Variants in CREB5 observed in about 807,000 individuals in gnomAD.
The protein encoded by CREB5 is cyclic AMP-responsive element-binding protein 5.
Under a neutral mutation model 57.1 loss-of-function variants are expected in CREB5, and 19 were observed. That is an observed-to-expected ratio of 0.33 (90% confidence interval 0.23 to 0.49). The LOEUF is 0.49. Among genes scored for constraint, CREB5 ranks in the 20% least tolerant of loss-of-function variants. CREB5 has a pLI of 0.99. For missense variants in CREB5, 579 were observed against 671.6 expected (o/e 0.86, Z 1.52); for synonymous variants, 238 against 238.3 (o/e 1.00, Z 0.01).
At chr7:28,338,223 C>A (rs1424165090) in intron 1 of CREB5, among the ~76,000 whole-genome samples, 2 of 152,004 alleles carry the variant, frequency 1.3e-5, no homozygotes, top group African/African-American at 4.8e-5. Context: ...ACTTTAGTAC[C>A]TTCAGATGAT....
intron 9 of CREB5, among the ~76,000 whole-genome samples, chr7:28,815,096 C>T (rs1483502558): frequency 1.3e-5 from 2 of 152,124 alleles, no homozygotes; most frequent in African/African-American, 4.8e-5. Flanking sequence ...AATAGCTACA[C>T]CCCATCTTTG....
intron 2 of CREB5, chr7:28,491,392 A>T: frequency 3.2e-6 from 1 of 310,184 alleles, no homozygotes; most frequent in Non-Finnish European, 4.7e-6. Flanking sequence ...GTGACTTGAA[A>T]ATGCTGAAGT....
chr7:28,428,517 C>T (rs1328228274), intron 1 of CREB5, among the ~76,000 whole-genome samples: 2 of 152,086 alleles, frequency 1.3e-5, no homozygotes, highest in African/African-American at 2.4e-5. Flanking sequence ...GTAAACCTAG[C>T]AGGACTTGCT....
chr7:28,507,719 A>G lies in CREB5; in HGVS notation c.273A>G (p.Glu91=), dbSNP rs1252797141. ...AGCACGAGTTCAGGAAGGCTCAGGAAGAGGAGAGCAGCAAGCGGGTAGGTT... is the reference window on the plus strand; with the variant it reads ...AGCACGAGTTCAGGAAGGCTCAGGAGGAGGAGAGCAGCAAGCGGGTAGGTT... ...SLEHEFRKAQ[E]EESSKRNISM... Residue 91 remains glutamate, a synonymous_variant, in exon 4 of 11, where the codon GAA becomes GAG. Coordinates refer to ENST00000357727, the MANE Select transcript of CREB5 (RefSeq NM_182898.4). 1 of 1,606,230 alleles carries G rather than the reference A, an allele frequency of 6.2e-7. No homozygotes were observed. Among genetic ancestry groups the G allele is most frequent in the African/African-American group, 1.3e-5 (1 of 74,834 alleles).
chr7:28,525,197 A>C (rs1280859417), intron 4 of CREB5, among the ~76,000 whole-genome samples: 1 of 152,208 alleles, frequency 6.6e-6, no homozygotes, highest in African/African-American at 2.4e-5. Flanking sequence ...TTGTGTATAT[A>C]TACCACATTT....
chr7:28,785,199 G>A (rs1807246810), intron 7 of CREB5, among the ~76,000 whole-genome samples: 1 of 152,214 alleles, frequency 6.6e-6, no homozygotes, highest in African/African-American at 2.4e-5. Flanking sequence ...ACTCTGTGGT[G>A]TGGAGACCTC....
intron 5 of CREB5, among the ~76,000 whole-genome samples, chr7:28,666,659 C>T (rs924412745): frequency 6.6e-6 from 1 of 151,966 alleles, no homozygotes; most frequent in Non-Finnish European, 1.5e-5. Context: ...AGCTAAATCC[C>T]ACTTCAACAA....
At chr7:28,413,470 T>C (rs953090606) in intron 1 of CREB5, among the ~76,000 whole-genome samples, 12 of 152,178 alleles carry the variant, frequency 7.9e-5, no homozygotes, top group Non-Finnish European at 1.6e-4. Context: ...TTTCTCATTT[T>C]CCTTTGCTTA....
chr7:28,322,360 G>A (rs928989156), intron 1 of CREB5, among the ~76,000 whole-genome samples: 48 of 152,232 alleles, frequency 3.2e-4, no homozygotes, highest in Admixed American at 5.2e-4. Context: ...AAACATGGAA[G>A]CAGAGTCCAT....
At chr7:28,563,726 G>A (rs216746) in intron 4 of CREB5, among the ~76,000 whole-genome samples, 134,680 of 152,180 alleles carry the variant, frequency 0.89, 59,682 homozygotes, top group South Asian at 0.96. Context: ...TTAAATATGT[G>A]TATCAAGGCT....
At chr7:28,666,791 T>TA (rs1799842666) in intron 5 of CREB5, among the ~76,000 whole-genome samples, 1 of 151,340 alleles carries the variant, frequency 6.6e-6, no homozygotes, top group Admixed American at 6.6e-5. Context: ...AAATAAAAAA[T>TA]AAAAAAATTA....
intron 5 of CREB5, among the ~76,000 whole-genome samples, chr7:28,632,282 C>T (rs1310720727): frequency 6.6e-6 from 1 of 152,194 alleles, no homozygotes; most frequent in Non-Finnish European, 1.5e-5. Flanking sequence ...CTCCCTCTCT[C>T]ACTTTTCCAT....
Position 28,819,347 on chromosome 7 carries a change from T to C in CREB5, c.*68T>C, listed in dbSNP as rs1809633814. 1 of 1,490,134 alleles carries C rather than the reference T, an allele frequency of 6.7e-7. No homozygotes were observed. The highest frequency in any genetic ancestry group is 9.0e-7 in the Non-Finnish European group (1 of 1,106,584). 92.3% of individuals were successfully genotyped at this position (1,490,134 alleles called of 1,614,324 possible). ...CCATGCGTCCTTTCTTTTAAGGGCATTTTTAGAATTAACTCAGACCTGGAA... is the reference window on the plus strand; with the variant it reads ...CCATGCGTCCTTTCTTTTAAGGGCACTTTTAGAATTAACTCAGACCTGGAA... On this transcript the variant is annotated 3_prime_UTR_variant, in exon 11 of 11. Coordinates refer to ENST00000357727, the MANE Select transcript of CREB5 (RefSeq NM_182898.4).
chr7:28,581,465 G>T (rs907729641), intron 5 of CREB5, among the ~76,000 whole-genome samples: 1 of 152,156 alleles, frequency 6.6e-6, no homozygotes. Context: ...CCGTAGACTT[G>T]GTTGGTTCCT....
intron 1 of CREB5, among the ~76,000 whole-genome samples, chr7:28,398,879 T>G (rs1251380678): frequency 6.6e-6 from 1 of 152,010 alleles, no homozygotes; most frequent in Non-Finnish European, 1.5e-5. Flanking sequence ...ACCTGGCTAA[T>G]TTTTAAAAAA....
At chr7:28,713,906 ATTTTTTCAATT>A (rs1239275416) in intron 5 of CREB5, among the ~76,000 whole-genome samples, 1 of 151,454 alleles carries the variant, frequency 6.6e-6, no homozygotes, top group Non-Finnish European at 1.5e-5. Flanking sequence ...TTATGTTATT[ATTTTTTCAATT>A]TTTTTTCAAG....
chr7:28,680,939 A>G (rs1413843201), intron 5 of CREB5, among the ~76,000 whole-genome samples: 1 of 152,174 alleles, frequency 6.6e-6, no homozygotes, highest in Non-Finnish European at 1.5e-5. Flanking sequence ...ACAACTGTGC[A>G]AGAAGTCCCA....
intron 5 of CREB5, among the ~76,000 whole-genome samples, chr7:28,597,352 T>C (rs1156603407): frequency 6.6e-6 from 1 of 152,170 alleles, no homozygotes; most frequent in African/African-American, 2.4e-5. Flanking sequence ...GGAAAGCTGA[T>C]CTCCTGGTCT....
At chr7:28,462,741 G>C in intron 1 of CREB5, among the ~76,000 whole-genome samples, 1 of 151,922 alleles carries the variant, frequency 6.6e-6, no homozygotes, top group East Asian at 1.9e-4. Context: ...CAAATCATTT[G>C]CTCCATTTTT....
Sources: allele counts gnomAD v4.1 joint callset (sites outside exome capture counted in the v4.1 genomes callset), GRCh38; gene constraint gnomAD v4.1.1; transcripts MANE v1.5; gene names NCBI Gene and HGNC (gene_info 2026-07-23, HGNC 2026-07-21).